LMX1A: variants seen among roughly 807,000 people sequenced by gnomAD.
LMX1A encodes the protein LIM homeobox transcription factor 1 alpha.
A neutral mutation model predicts 49.1 loss-of-function variants in LMX1A; 15 were observed. That is an observed-to-expected ratio of 0.31 (90% CI 0.20 to 0.47). LMX1A has a LOEUF of 0.47. LMX1A is among the 20% of genes least tolerant of loss of function. The probability of loss-of-function intolerance (pLI) is 1.00; values close to 1 mark genes in which losing one functional copy is unlikely to be tolerated. For synonymous variants in LMX1A, 167 were observed against 185.7 expected, an observed-to-expected ratio of 0.90 and a Z score of 0.82; for missense variants, 372 against 475.8, an observed-to-expected ratio of 0.78 and a Z score of 2.03.
chr1:165,250,403 T>C (rs1653014564), intron 3 of LMX1A, among the ~76,000 whole-genome samples: 1 of 152,074 alleles, frequency 6.6e-6, no homozygotes, highest in Non-Finnish European at 1.5e-5. Context: ...AAATCAACAA[T>C]AACAAAAATG....
In LMX1A at chr1:165,329,353, G is replaced by A. The variant is rs1655674604; in HGVS notation, c.263+23723C>T. Among the ~76,000 whole-genome samples, 3 of 152,202 alleles carry A rather than the reference G, an allele frequency of 2.0e-5. No homozygotes were observed. The South Asian group carries it at 6.2e-4, about 32-fold the overall frequency. The stretch of plus-strand genomic sequence containing the variant: ...AAGATGAGACTTGGGTGGGGACAGG[G>A]AGCCAAACCATATCAGTCTCCCACA... On this transcript the variant is annotated intron_variant, in intron 3 of 8. Transcript: ENST00000342310.
chr1:165,231,955 G>T (rs1330727163), intron 4 of LMX1A, among the ~76,000 whole-genome samples: 4 of 152,222 alleles, frequency 2.6e-5, no homozygotes, highest in African/African-American at 7.2e-5. Context: ...ACTGAAACTA[G>T]TGTGTCTTAT....
In LMX1A at chr1:165,271,510, T is replaced by C. The variant is rs556215477; in HGVS notation, c.264-21870A>G. The stretch of plus-strand genomic sequence containing the variant: ...ACCTACTAAACTCATATAGTTCACC[T>C]GGGATCTGGCCACAGAGCTGATCTG... On this transcript the variant is annotated intron_variant, in intron 3 of 8. Transcript: ENST00000342310. Among the ~76,000 whole-genome samples the C allele has an allele frequency of 3.3e-5, 5 of 152,328 alleles. No individual in the cohort carries two copies. The South Asian group carries it at 8.3e-4, about 25-fold the overall frequency.
chr1:165,223,823 AAACT>A (rs952087274), intron 4 of LMX1A, among the ~76,000 whole-genome samples: 2 of 152,092 alleles, frequency 1.3e-5, no homozygotes, highest in Non-Finnish European at 2.9e-5. Flanking sequence ...AAAAAAAAAA[AAACT>A]AGTGTACTAC....
At chr1:165,290,160 G>A (rs1218174174) in intron 3 of LMX1A, among the ~76,000 whole-genome samples, 3 of 152,154 alleles carry the variant, frequency 2.0e-5, no homozygotes, top group Non-Finnish European at 4.4e-5. Flanking sequence ...GATGTTTACT[G>A]ACTATCAACT....
intron 3 of LMX1A, among the ~76,000 whole-genome samples, chr1:165,302,425 C>T (rs1654809345): frequency 6.6e-6 from 1 of 151,024 alleles, no homozygotes; most frequent in African/African-American, 2.4e-5. Context: ...GCCTGGGCAA[C>T]AGAGTGAGAC....
intron 4 of LMX1A, among the ~76,000 whole-genome samples, chr1:165,247,836 G>T (rs187614363): frequency 3.5e-4 from 54 of 152,282 alleles, no homozygotes; most frequent in African/African-American, 1.3e-3. Context: ...TTTGCCCAAA[G>T]TCACAGAGAT....
intron 3 of LMX1A, among the ~76,000 whole-genome samples, chr1:165,274,386 C>T (rs1435952757): frequency 6.6e-6 from 1 of 152,138 alleles, no homozygotes; most frequent in Non-Finnish European, 1.5e-5. Context: ...CATTTTTGCA[C>T]CCTCAGAACA....
At chr1:165,350,590 CA>C (rs1394934503) in intron 3 of LMX1A, among the ~76,000 whole-genome samples, 2 of 151,960 alleles carry the variant, frequency 1.3e-5, no homozygotes, top group Admixed American at 1.3e-4. Context: ...TTTTCTCCTA[CA>C]GATACCAACA....
At chr1:165,255,168 G>T (rs973761351) in intron 3 of LMX1A, among the ~76,000 whole-genome samples, 4 of 152,118 alleles carry the variant, frequency 2.6e-5, no homozygotes, top group Non-Finnish European at 5.9e-5. Context: ...GATGTGTTTG[G>T]GATATGCAGA....
chr1:165,331,417 G>A (rs534450132), intron 3 of LMX1A, among the ~76,000 whole-genome samples: 2 of 152,310 alleles, frequency 1.3e-5, no homozygotes, highest in South Asian at 2.1e-4. Flanking sequence ...CACTGGCAAT[G>A]TGGCATGTAA....
intron 4 of LMX1A, among the ~76,000 whole-genome samples, chr1:165,227,302 C>T (rs1363333044): frequency 1.3e-5 from 2 of 152,064 alleles, no homozygotes; most frequent in African/African-American, 4.8e-5. Flanking sequence ...CTTTTGGAGG[C>T]CAAGGCGGGT....
intron 3 of LMX1A, among the ~76,000 whole-genome samples, chr1:165,271,351 G>A (rs1571192902): frequency 6.6e-6 from 1 of 152,148 alleles, no homozygotes; most frequent in African/African-American, 2.4e-5. Context: ...GAGAGAGGCT[G>A]GATCCCTGAT....
intron 3 of LMX1A, among the ~76,000 whole-genome samples, chr1:165,312,105 A>C (rs1251357743): frequency 3.3e-5 from 5 of 152,332 alleles, no homozygotes; most frequent in South Asian, 2.1e-4. Context: ...TTTGTTTTCA[A>C]ATGCCTGGAC....
chr1:165,211,390 A>T (rs1304524106), intron 5 of LMX1A: 2 of 152,274 alleles, frequency 1.3e-5, no homozygotes, highest in Non-Finnish European at 2.9e-5. Flanking sequence ...GAGACAGGAC[A>T]ACTGGGATCC....
chr1:165,248,568 C>T (rs891144528), intron 4 of LMX1A, among the ~76,000 whole-genome samples: 7 of 152,138 alleles, frequency 4.6e-5, no homozygotes, highest in Non-Finnish European at 8.8e-5. Flanking sequence ...CTCTTAACCT[C>T]GCCTGTCTCC....
intron 3 of LMX1A, among the ~76,000 whole-genome samples, chr1:165,274,587 G>C (rs1653907756): frequency 6.6e-6 from 1 of 152,214 alleles, no homozygotes; most frequent in Non-Finnish European, 1.5e-5. Flanking sequence ...GCCTCCAGGA[G>C]TGAGTATTTA....
intron 3 of LMX1A, among the ~76,000 whole-genome samples, chr1:165,264,619 T>C (rs1380106692): frequency 6.6e-6 from 1 of 152,134 alleles, no homozygotes; most frequent in African/African-American, 2.4e-5. Context: ...GCTGCGGCAG[T>C]GCACTCTCAG....
At chr1:165,306,513 C>T (rs959098451) in intron 3 of LMX1A, among the ~76,000 whole-genome samples, 5 of 152,170 alleles carry the variant, frequency 3.3e-5, no homozygotes, top group African/African-American at 1.2e-4. Context: ...ACCCAGAGAC[C>T]CAAGGGTGAG....
Sources: allele counts gnomAD v4.1 joint callset (sites outside exome capture counted in the v4.1 genomes callset), GRCh38; gene constraint gnomAD v4.1.1; transcripts MANE v1.5; gene names NCBI Gene and HGNC (gene_info 2026-07-23, HGNC 2026-07-21).